The following TMCO5A variants were observed in gnomAD, a reference collection of about 807,000 sequenced individuals.
The protein encoded by TMCO5A is transmembrane and coiled-coil domains 5A.
Under a neutral mutation model 42.3 loss-of-function variants are expected in TMCO5A, and 34 were observed. That is an observed-to-expected ratio of 0.80 (90% CI 0.61 to 1.07). The LOEUF (loss-of-function observed/expected upper bound fraction) is 1.07, where lower values mean the gene tolerates loss of function less well. Among genes scored for constraint, TMCO5A ranks in the 50% least tolerant of loss-of-function variants. TMCO5A has a pLI of 0.00. For missense variants in TMCO5A, 357 were observed against 327.9 expected (o/e 1.09, Z -0.69); for synonymous variants, 131 against 115.6 (o/e 1.13, Z -0.86).
chr15:38,016,199 ATGT>A, the TMCO5A span, among the ~76,000 whole-genome samples: 3 of 152,192 alleles, frequency 2.0e-5, no homozygotes, highest in African/African-American at 7.2e-5. Context: ...CTTCTGCTCA[ATGT>A]TGCTGTGAAC....
intron 11 of TMCO5A, among the ~76,000 whole-genome samples, chr15:37,959,414 C>T (rs1890368168): frequency 6.6e-6 from 1 of 151,848 alleles, no homozygotes; most frequent in Non-Finnish European, 1.5e-5. Flanking sequence ...AAGAAAACTA[C>T]AGGCCAAAAT....
At chr15:37,940,235 G>A (rs576644202) in intron 6 of TMCO5A, among the ~76,000 whole-genome samples, 42 of 152,152 alleles carry the variant, frequency 2.8e-4, no homozygotes, top group Non-Finnish European at 4.6e-4. Context: ...TAGAAGAACC[G>A]AAATCCTTTT....
In TMCO5A at chr15:37,938,212, G is replaced by T. The variant is rs1288181325; in HGVS notation, c.370G>T (p.Ala124Ser). Residue 124 changes from alanine to serine, a missense_variant, in exon 6 of 12, where the codon GCC (alanine) becomes TCC (serine). Ala to Ser is a moderately conservative substitution (Grantham distance 99, BLOSUM62 1). Coordinates refer to ENST00000319669, the MANE Select transcript of TMCO5A (RefSeq NM_152453.4). ...TTGTGAACAAAGCAGTCCAGATGGA[G>T]CCCTAGAAGAGACAAAGGTAAATGA... ...TNCEQSSPDG[A>S]LEETKVKLQQ... The T allele has an allele frequency of 6.3e-7, 1 of 1,577,026 alleles. No homozygotes were observed. The highest frequency in any genetic ancestry group is 8.6e-7 in the Non-Finnish European group (1 of 1,161,106).
chr15:38,032,301 T>C, the TMCO5A span, among the ~76,000 whole-genome samples: 1 of 152,162 alleles, frequency 6.6e-6, no homozygotes, highest in East Asian at 1.9e-4. Flanking sequence ...CCTCAGTAGA[T>C]TTCCCCATCT....
At chr15:38,006,327 TG>T in the TMCO5A span, among the ~76,000 whole-genome samples, 4,880 of 152,242 alleles carry the variant, frequency 0.032, 244 homozygotes, top group African/African-American at 0.11. Context: ...TCTAGTTGCC[TG>T]GTATGATTCA....
At chr15:38,010,822 G>C in the TMCO5A span, among the ~76,000 whole-genome samples, 1 of 151,986 alleles carries the variant, frequency 6.6e-6, no homozygotes, top group Non-Finnish European at 1.5e-5. Flanking sequence ...GCTCAATCTT[G>C]GCTCACTGCA....
At chr15:37,958,187 C>A (rs1452165405) in intron 11 of TMCO5A, among the ~76,000 whole-genome samples, 1 of 152,078 alleles carries the variant, frequency 6.6e-6, no homozygotes. Context: ...TGAGCAAATA[C>A]TTCATGACTA....
At chr15:38,020,335 G>A in the TMCO5A span, 2 of 152,082 alleles carry the variant, frequency 1.3e-5, no homozygotes, top group Non-Finnish European at 2.9e-5. Flanking sequence ...ATAGGGTGAG[G>A]GGAGGAAAGA....
the TMCO5A span, among the ~76,000 whole-genome samples, chr15:37,979,599 C>A: frequency 1.8e-3 from 271 of 152,224 alleles, 2 homozygotes; most frequent in African/African-American, 5.1e-3. Context: ...TGAGGCCTTG[C>A]CCAATAAGGA....
intron 2 of TMCO5A, 116 bp from the exon 3 acceptor site, chr15:37,936,197 TG>T (rs1246529143): frequency 8.7e-6 from 10 of 1,145,896 alleles, no homozygotes; most frequent in Non-Finnish European, 1.2e-5. Context: ...GAAAATGGTA[TG>T]CCCCCAGAGA....
At chr15:37,966,914 A>T in exon 12 of TMCO5A, 1 of 491,058 alleles carries the variant, frequency 2.0e-6, no homozygotes, top group Non-Finnish European at 3.6e-6. Flanking sequence ...GACCTAAACT[A>T]TATGAAATGC....
intron 11 of TMCO5A, among the ~76,000 whole-genome samples, chr15:37,960,849 A>G (rs1890406496): frequency 6.6e-6 from 1 of 152,150 alleles, no homozygotes; most frequent in Admixed American, 6.6e-5. Flanking sequence ...TTGTCTATTC[A>G]TGCCCTTAGG....
At chr15:37,962,607 TG>T (rs1188305288) in intron 11 of TMCO5A, among the ~76,000 whole-genome samples, 6 of 151,990 alleles carry the variant, frequency 3.9e-5, no homozygotes, top group African/African-American at 1.4e-4. Context: ...AGTGTCAAAA[TG>T]GTTGGTACCA....
chr15:37,987,658 A>C, the TMCO5A span, among the ~76,000 whole-genome samples: 1 of 151,968 alleles, frequency 6.6e-6, no homozygotes, highest in Non-Finnish European at 1.5e-5. Context: ...CACACTTATC[A>C]AAACTCATTT....
At chr15:37,956,936 G>A (rs960552430) in intron 11 of TMCO5A, among the ~76,000 whole-genome samples, 4 of 151,878 alleles carry the variant, frequency 2.6e-5, no homozygotes, top group East Asian at 3.9e-4. Context: ...CTGGTTCAAC[G>A]GATGCCAATC....
At chr15:37,986,092 G>A in the TMCO5A span, among the ~76,000 whole-genome samples, 1 of 151,994 alleles carries the variant, frequency 6.6e-6, no homozygotes, top group African/African-American at 2.4e-5. Flanking sequence ...AGTACTAGAA[G>A]GCAGAACACA....
At chr15:37,941,887 A>G in intron 8 of TMCO5A, 157 bp downstream of exon 8, 1 of 667,544 alleles carries the variant, frequency 1.5e-6, no homozygotes, top group Admixed American at 2.5e-5. Flanking sequence ...CTCACTATCA[A>G]TATCACTCTA....
intron 11 of TMCO5A, among the ~76,000 whole-genome samples, chr15:37,948,765 C>G (rs73388249): frequency 0.027 from 4,098 of 152,154 alleles, 163 homozygotes; most frequent in African/African-American, 0.079. Context: ...ACACTGGGCA[C>G]TAACTCAAGA....
intron 11 of TMCO5A, among the ~76,000 whole-genome samples, chr15:37,957,731 A>G (rs941608294): frequency 6.6e-6 from 1 of 152,170 alleles, no homozygotes; most frequent in Admixed American, 6.6e-5. Context: ...AAAGAATCAG[A>G]AAAAACTACT....
Sources: allele counts gnomAD v4.1 joint callset (sites outside exome capture counted in the v4.1 genomes callset), GRCh38; gene constraint gnomAD v4.1.1; transcripts MANE v1.5; gene names NCBI Gene and HGNC (gene_info 2026-07-23, HGNC 2026-07-21).